MINDY2: variants seen among roughly 807,000 people sequenced by gnomAD.
The protein encoded by MINDY2 is ubiquitin carboxyl-terminal hydrolase MINDY-2.
MINDY2 carries 52 observed loss-of-function variants against 68.2 expected under a neutral mutation model. That is an observed-to-expected ratio of 0.76 (90% CI 0.61 to 0.96). MINDY2 has a LOEUF of 0.96. MINDY2 is among the 40% of genes least tolerant of loss of function. MINDY2 has a pLI of 0.00. For synonymous variants in MINDY2, 372 were observed against 303.0 expected, an observed-to-expected ratio of 1.23 and a Z score of -2.36; for missense variants, 881 against 773.4, an observed-to-expected ratio of 1.14 and a Z score of -1.65.
Position 58,810,248 on chromosome 15 carries a change from G to T in MINDY2, c.982G>T (p.Ala328Ser). 6.2e-7 allele frequency: 1 copy of T among 1,608,536 alleles called. No homozygotes were observed. The highest frequency in any genetic ancestry group is 8.5e-7 in the Non-Finnish European group (1 of 1,178,548). Residue 328 changes from alanine to serine, a missense_variant, in exon 4 of 9, where the codon GCA (alanine) becomes TCA (serine). By Grantham distance (99) the Ala-to-Ser change is moderately conservative. Transcript: ENST00000559228. Reference protein sequence around the residue: ...NYEQNMSDAMAILHKLQTGLD... With the variant: ...NYEQNMSDAMSILHKLQTGLD... ...TTTTCAGAATATGAGTGATGCCATG[G>T]CAATTTTGCACAAACTACAGACAGG... is the stretch of plus-strand genomic sequence containing the variant.
intron 5 of MINDY2, among the ~76,000 whole-genome samples, chr15:58,825,796 G>C (rs1049862050): frequency 6.6e-6 from 1 of 152,104 alleles, no homozygotes; most frequent in African/African-American, 2.4e-5. Flanking sequence ...AGGTGAGACA[G>C]GGTTTCACCA....
intron 2 of MINDY2, among the ~76,000 whole-genome samples, chr15:58,791,646 G>GTGTGTA (rs1567044139): frequency 1.3e-5 from 2 of 150,008 alleles, no homozygotes; most frequent in Non-Finnish European, 3.0e-5. Context: ...GTGTGTGTGT[G>GTGTGTA]TGTGTGTGTG....
Position 58,856,542 on chromosome 15 carries a change from G to C in MINDY2, c.*1932G>C, listed in dbSNP as rs2033067039. The C allele has an allele frequency of 6.6e-6, 1 of 152,166 alleles. No individual in the cohort carries two copies. The highest frequency in any genetic ancestry group is 1.5e-5 in the Non-Finnish European group (1 of 68,002). 9.4% of individuals were successfully genotyped at this position (152,166 alleles called of 1,614,324 possible). A position where few individuals can be genotyped will look rare whatever the true frequency, so the allele number is the denominator to read the frequency against. On this transcript the variant is annotated 3_prime_UTR_variant, in exon 9 of 9. Transcript: ENST00000559228. ...GATAAATCATCAAAGAACCTGTTTGGGATATAAAACTCTGATAGAAAATAT... is the reference window on the plus strand; with the variant it reads ...GATAAATCATCAAAGAACCTGTTTGCGATATAAAACTCTGATAGAAAATAT...
In MINDY2 at chr15:58,854,742, G is replaced by C. The variant is rs548469292; in HGVS notation, c.*132G>C. 1.3e-4 allele frequency: 136 copies of C among 1,031,284 alleles called. 2 individuals carry two copies. The South Asian group carries it at 1.6e-3, about 12-fold the overall frequency. 63.9% of individuals were successfully genotyped at this position (1,031,284 alleles called of 1,614,324 possible). A position where few individuals can be genotyped will look rare whatever the true frequency, so the allele number is the denominator to read the frequency against. On this transcript the variant is annotated 3_prime_UTR_variant, in exon 9 of 9. Coordinates refer to ENST00000559228, the MANE Select transcript of MINDY2 (RefSeq NM_001040450.3). ...ATTTTGTTCGTTTTTTCAGGGGAACGGTTGTTACTTAGTTACAATCAGACT... is the reference window on the plus strand; with the variant it reads ...ATTTTGTTCGTTTTTTCAGGGGAACCGTTGTTACTTAGTTACAATCAGACT...
chr15:58,843,832 CAAAAA>C (rs34999651), intron 6 of MINDY2, among the ~76,000 whole-genome samples: 20 of 84,818 alleles, frequency 2.4e-4, no homozygotes, highest in African/African-American at 7.8e-4. Context: ...GACTCTGTCT[CAAAAA>C]AAAAAAAAAA....
chr15:58,781,299 A>G (rs989608469), intron 1 of MINDY2, among the ~76,000 whole-genome samples: 1 of 152,018 alleles, frequency 6.6e-6, no homozygotes, highest in Non-Finnish European at 1.5e-5. Context: ...CGATCAGCCC[A>G]CCTTGGCCTC....
chr15:58,834,138 G>A (rs1384189445), intron 6 of MINDY2, among the ~76,000 whole-genome samples: 12 of 152,180 alleles, frequency 7.9e-5, no homozygotes, highest in Admixed American at 1.3e-4. Flanking sequence ...AGTTGACACA[G>A]CACACGTTTC....
At chr15:58,844,201 T>C (rs1233593507) in intron 6 of MINDY2, among the ~76,000 whole-genome samples, 1 of 152,158 alleles carries the variant, frequency 6.6e-6, no homozygotes, top group African/African-American at 2.4e-5. Context: ...ACTATAGTCA[T>C]AGATATTTTG....
intron 7 of MINDY2, among the ~76,000 whole-genome samples, chr15:58,850,993 C>T (rs1018558797): frequency 1.3e-5 from 2 of 151,020 alleles, no homozygotes; most frequent in African/African-American, 4.9e-5. Flanking sequence ...TTTTTTTTCA[C>T]GACTGAGTCT....
chr15:58,795,746 A>C (rs541873090), intron 2 of MINDY2, among the ~76,000 whole-genome samples: 1 of 151,558 alleles, frequency 6.6e-6, no homozygotes, highest in East Asian at 2.0e-4. Context: ...TGAAGGCTAT[A>C]AACCATTATA....
At chr15:58,837,440 G>C (rs2032046171) in intron 6 of MINDY2, among the ~76,000 whole-genome samples, 1 of 151,380 alleles carries the variant, frequency 6.6e-6, no homozygotes, top group South Asian at 2.1e-4. Context: ...CAGTGTGGTG[G>C]TACGCACCTA....
At chr15:58,789,575 A>G (rs1419524569) in intron 2 of MINDY2, among the ~76,000 whole-genome samples, 1 of 151,348 alleles carries the variant, frequency 6.6e-6, no homozygotes, top group Admixed American at 6.6e-5. Flanking sequence ...CTCCCACCTC[A>G]GCCTCCCGAG....
At chr15:58,853,098 G>A (rs2140875075) in intron 8 of MINDY2, among the ~76,000 whole-genome samples, 1 of 151,534 alleles carries the variant, frequency 6.6e-6, no homozygotes, top group East Asian at 1.9e-4. Flanking sequence ...GATTACAGGT[G>A]TGTGCCACCA....
chr15:58,858,410 A>G lies in MINDY2; in HGVS notation c.*3800A>G, dbSNP rs2033125112. The G allele has an allele frequency of 2.0e-5, 3 of 152,316 alleles. No individual in the cohort carries two copies. Among genetic ancestry groups the G allele is most frequent in the African/African-American group, 7.2e-5 (3 of 41,586 alleles). The allele number at this position is 152,316 out of a possible 1,614,324, so 9.4% of individuals were successfully genotyped here. ...TAGTTGACTGAACCCAAGATTAAAC[A>G]TTTTGCACTTGCACAAAACCTTCTT... On this transcript the variant is annotated 3_prime_UTR_variant, in exon 9 of 9. Coordinates refer to ENST00000559228, the MANE Select transcript of MINDY2 (RefSeq NM_001040450.3).
chr15:58,798,529 C>T (rs1476887011), intron 2 of MINDY2, among the ~76,000 whole-genome samples: 1 of 151,224 alleles, frequency 6.6e-6, no homozygotes, highest in Non-Finnish European at 1.5e-5. Context: ...AATCTTGGCT[C>T]ACTGCAACCT....
In MINDY2 at chr15:58,771,427, T is replaced by C; in HGVS notation, c.32T>C (p.Leu11Pro). The change falls in exon 1 of 9, where the codon CTA (leucine) becomes CCA (proline). Residue 11 changes from leucine to proline, a missense_variant. Physicochemically the swap from Leu to Pro is moderately conservative, Grantham distance 98. Coordinates refer to ENST00000559228, the MANE Select transcript of MINDY2 (RefSeq NM_001040450.3). MESSPESLQP[L>P]EHGVAAGPAS... ...AGCAGCCCCGAGAGCCTGCAGCCGC[T>C]AGAACACGGGGTGGCGGCCGGGCCA... 1 of 1,611,896 alleles carries C rather than the reference T, an allele frequency of 6.2e-7. No homozygotes were observed. Among genetic ancestry groups the C allele is most frequent in the Non-Finnish European group, 8.5e-7 (1 of 1,179,616 alleles).
intron 1 of MINDY2, among the ~76,000 whole-genome samples, chr15:58,780,710 A>C (rs1196070235): frequency 1.3e-5 from 2 of 152,142 alleles, no homozygotes; most frequent in Non-Finnish European, 2.9e-5. Context: ...ATGTCTCCTG[A>C]AGTGTCTGAC....
chr15:58,795,764 A>AC (rs1902243558), intron 2 of MINDY2, among the ~76,000 whole-genome samples: 2 of 141,062 alleles, frequency 1.4e-5, no homozygotes, highest in Non-Finnish European at 3.0e-5. Context: ...ATAGTGTCTA[A>AC]GTTTTTTTTT....
intron 2 of MINDY2, among the ~76,000 whole-genome samples, chr15:58,799,159 T>C (rs1902471951): frequency 6.6e-6 from 1 of 152,198 alleles, no homozygotes; most frequent in African/African-American, 2.4e-5. Context: ...TCACCAAAAG[T>C]AAACTTTATT....
Sources: allele counts gnomAD v4.1 joint callset (sites outside exome capture counted in the v4.1 genomes callset), GRCh38; gene constraint gnomAD v4.1.1; transcripts MANE v1.5; gene names NCBI Gene and HGNC (gene_info 2026-07-23, HGNC 2026-07-21).